SLC44A2: variants seen among roughly 807,000 people sequenced by gnomAD.
SLC44A2 encodes the protein choline transporter-like protein 2.
A neutral mutation model predicts 90.8 loss-of-function variants in SLC44A2; 57 were observed. The observed-to-expected ratio is 0.63, with a 90% CI of 0.51 to 0.78. SLC44A2 has a LOEUF of 0.78. SLC44A2 is among the 30% of genes least tolerant of loss of function. The pLI, the probability that SLC44A2 is intolerant of heterozygous loss-of-function variation, is 0.00. For synonymous variants in SLC44A2, 355 were observed against 360.7 expected, an observed-to-expected ratio of 0.98 and a Z score of 0.18; for missense variants, 794 against 919.7, an observed-to-expected ratio of 0.86 and a Z score of 1.77.
intron 1 of SLC44A2, among the ~76,000 whole-genome samples, chr19:10,616,443 G>A (rs746496449): frequency 3.3e-5 from 5 of 151,778 alleles, no homozygotes; most frequent in African/African-American, 7.3e-5. Context: ...TTTTAGAGAC[G>A]AGGTCTTGCC....
rs543849022 is a variant in SLC44A2, at chr19:10,615,206, G to A, written c.32-11047G>A. On this transcript the variant is annotated intron_variant, in intron 1 of 21. Transcript: ENST00000407327. ...AGCACTTTGGGAGGCCAAGGCAGGT[G>A]GATCATTTGAGGTCAGGACTTCAAG... is the stretch of plus-strand genomic sequence containing the variant. Among the ~76,000 whole-genome samples the A allele has an allele frequency of 2.6e-5, 4 of 151,654 alleles. No individual in the cohort carries two copies. The South Asian group carries it at 6.2e-4, about 24-fold the overall frequency.
chr19:10,613,502 T>C (rs1195411755), intron 1 of SLC44A2, among the ~76,000 whole-genome samples: 1 of 152,090 alleles, frequency 6.6e-6, no homozygotes, highest in Non-Finnish European at 1.5e-5. Context: ...CTGCCTGCCT[T>C]GACTTCCCAA....
chr19:10,604,910 G>A (rs181308842), intron 1 of SLC44A2, among the ~76,000 whole-genome samples: 36 of 152,230 alleles, frequency 2.4e-4, no homozygotes, highest in African/African-American at 8.4e-4. Context: ...CAGTTCCAAG[G>A]GAAATGGGGA....
chr19:10,625,567 G>T lies in SLC44A2; in HGVS notation c.-67G>T. 1 of 1,234,248 alleles carries T rather than the reference G, an allele frequency of 8.1e-7. No homozygotes were observed. Among genetic ancestry groups the T allele is most frequent in the South Asian group, 4.0e-5 (1 of 24,702 alleles). The allele number at this position is 1,234,248 out of a possible 1,614,324, so 76.5% of individuals were successfully genotyped here. ...GTCGCGCGGTCAGTGCCTCCCTCCA[G>T]ACTCGGGAGGGTCGAGGGGGCGCGG... is the stretch of plus-strand genomic sequence containing the variant. On this transcript the variant is annotated 5_prime_UTR_variant, in exon 1 of 22. Transcript: ENST00000335757.
chr19:10,641,672 C>T (rs904141837), intron 20 of SLC44A2, among the ~76,000 whole-genome samples: 1 of 151,700 alleles, frequency 6.6e-6, no homozygotes, highest in Non-Finnish European at 1.5e-5. Flanking sequence ...GTGGCAAAAA[C>T]CCATCTCTAC....
chr19:10,625,480 C>T (rs1382302809), upstream of SLC44A2: 48 of 1,218,920 alleles, frequency 3.9e-5, no homozygotes, highest in Non-Finnish European at 4.4e-5. Flanking sequence ...CTGCCCAGCT[C>T]GGGCCGGTCT....
intron 16 of SLC44A2, among the ~76,000 whole-genome samples, chr19:10,637,300 C>G (rs1399403203): frequency 1.3e-5 from 2 of 151,950 alleles, no homozygotes; most frequent in Non-Finnish European, 2.9e-5. Context: ...TTCAGTGGGC[C>G]GAGACCGAGC....
At chr19:10,625,334 C>G (rs1204340105), upstream of SLC44A2, 2 of 564,672 alleles carry the variant, frequency 3.5e-6, no homozygotes, top group Non-Finnish European at 5.0e-6. Flanking sequence ...CGGCATCGCC[C>G]GGTGGCAGGG....
At position 10,636,711 on chromosome 19, in the gene SLC44A2, C is replaced by T. The variant is rs777757978; in HGVS notation, c.1546C>T (p.Gln516Ter). ...TGGCGCGCTCATCCTGGCCATTGTGCAGATCATCCGTGTGATACTCGAGTA... is the reference window on the plus strand; with the variant it reads ...TGGCGCGCTCATCCTGGCCATTGTGTAGATCATCCGTGTGATACTCGAGTA... The part of the protein sequence containing the change: ...AFGALILAIV[Q>*]IIRVILEYLD... Residue 516 changes from glutamine (Q) to a stop codon, truncating the protein, a stop_gained, in exon 16 of 22, where the codon CAG becomes TAG. Transcript: ENST00000335757. LOFTEE classifies it high-confidence loss of function. 6.2e-7 allele frequency: 1 copy of T among 1,613,950 alleles called. No homozygotes were observed. Among genetic ancestry groups the T allele is most frequent in the Non-Finnish European group, 8.5e-7 (1 of 1,179,970 alleles).
chr19:10,632,009 G>C (rs778327962), intron 9 of SLC44A2, 35 bp from the exon 10 acceptor site: 1 of 1,613,682 alleles, frequency 6.2e-7, no homozygotes. Flanking sequence ...CTGGCTGAGG[G>C]TGGAGTCTGT....
At position 10,638,193 on chromosome 19, in the gene SLC44A2, C is replaced by T. The variant is rs745622365; in HGVS notation, c.1841-34C>T. Reference sequence around the variant, plus strand: ...AGGAGGCTGTTTCCTATATCCAGAACCCTTCGCCATCTTGCTTTCTTCTCC... The same window carrying T: ...AGGAGGCTGTTTCCTATATCCAGAATCCTTCGCCATCTTGCTTTCTTCTCC... On this transcript the variant is annotated intron_variant, in intron 19 of 21. Transcript: ENST00000335757. 4.3e-6 allele frequency: 7 copies of T among 1,613,248 alleles called. No homozygotes were observed. The South Asian group carries it at 4.4e-5, about 10-fold the overall frequency.
Position 10,631,609 on chromosome 19 carries a change from T to C in SLC44A2, c.503-17T>C. The C allele has an allele frequency of 1.2e-6, 2 of 1,613,930 alleles. No individual in the cohort carries two copies. Among genetic ancestry groups the C allele is most frequent in the Non-Finnish European group, 1.7e-6 (2 of 1,180,000 alleles). On this transcript the variant is annotated splice_polypyrimidine_tract_variant and intron_variant, in intron 7 of 21. Coordinates refer to ENST00000335757, the MANE Select transcript of SLC44A2 (RefSeq NM_020428.4). The stretch of plus-strand genomic sequence containing the variant: ...CAGAGGCTCAGCCTGACTGGTGCCA[T>C]CCTCTGCTCCATGCAGTGGCCCGGA...
In SLC44A2 at chr19:10,636,455, T is replaced by A. The variant is rs146200895; in HGVS notation, c.1366T>A (p.Leu456Met). Residue 456 changes from leucine to methionine, a missense_variant, in exon 15 of 22, where the codon TTG becomes ATG. Physicochemically the swap from Leu to Met is conservative, Grantham distance 15. Transcript: ENST00000335757. ...CTTCAATGCCTTCATGTTCTTCTGG[T>A]TGGCCAACTTCGTGCTGGCGCTGGG... ...QIFNAFMFFWLANFVLALGQV... is the reference protein window; with the variant it reads ...QIFNAFMFFWMANFVLALGQV... The A allele has an allele frequency of 6.2e-7, 1 of 1,613,972 alleles. No homozygotes were observed.
At chr19:10,611,135 C>T (rs1341927338) in intron 1 of SLC44A2, among the ~76,000 whole-genome samples, 2 of 151,978 alleles carry the variant, frequency 1.3e-5, no homozygotes, top group Non-Finnish European at 2.9e-5. Context: ...GCCTCTGTGC[C>T]GGGCTAGAGA....
chr19:10,633,534 C>G (rs1323337960), intron 10 of SLC44A2, among the ~76,000 whole-genome samples: 2 of 152,152 alleles, frequency 1.3e-5, no homozygotes, highest in African/African-American at 4.8e-5. Flanking sequence ...CAGCTCACTG[C>G]AGCCTTGACC....
At position 10,634,850 on chromosome 19, in the gene SLC44A2, G is replaced by A. The variant is rs1255545687; in HGVS notation, c.918G>A (p.Arg306=). 2.0e-5 allele frequency: 32 copies of A among 1,613,990 alleles called. No individual in the cohort carries two copies. The highest frequency in any genetic ancestry group is 2.6e-5 in the Non-Finnish European group (31 of 1,180,034). The part of the protein sequence containing the change: ...LVDLGFQTDF[R]VYLHLRQTWL... ...ACCTCGGCTTTCAGACGGATTTCCGGGTGTACCTGCACTTACGGCAGACCT... is the reference window on the plus strand; with the variant it reads ...ACCTCGGCTTTCAGACGGATTTCCGAGTGTACCTGCACTTACGGCAGACCT... Residue 306 remains arginine (R), a synonymous_variant, in exon 11 of 22, where the codon CGG becomes CGA. Transcript: ENST00000335757.
chr19:10,634,767 T>G lies in SLC44A2; in HGVS notation c.835T>G (p.Cys279Gly). The G allele has an allele frequency of 6.2e-7, 1 of 1,614,174 alleles. No homozygotes were observed. The highest frequency in any genetic ancestry group is 8.5e-7 in the Non-Finnish European group (1 of 1,180,038). Residue 279 changes from cysteine to glycine, a missense_variant, in exon 11 of 22, where the codon TGC becomes GGC. This residue lies in a region of SLC44A2 where 738 missense variants were observed against 841.1 expected (regional missense o/e 0.88). Transcript: ENST00000335757. ...GTTCCCCCATGCAGGAATATTTCACTGCTACATGGAGTACTCCCGACTGCG... is the reference window on the plus strand; with the variant it reads ...GTTCCCCCATGCAGGAATATTTCACGGCTACATGGAGTACTCCCGACTGCG... Reference protein sequence around the residue: ...ILVLGYGIFHCYMEYSRLRGE... With the variant: ...ILVLGYGIFHGYMEYSRLRGE...
intron 21 of SLC44A2, 76 bp downstream of exon 21, chr19:10,642,527 C>T (rs1015242234): frequency 4.1e-5 from 55 of 1,357,712 alleles, no homozygotes; most frequent in African/African-American, 1.0e-4. Context: ...CACCCTCCAA[C>T]GGGGCAACAC....
In SLC44A2 at chr19:10,637,841, C is replaced by G; in HGVS notation, c.1696-15C>G. 6.2e-7 allele frequency: 1 copy of G among 1,614,116 alleles called. No individual in the cohort carries two copies. Among genetic ancestry groups the G allele is most frequent in the Non-Finnish European group, 8.5e-7 (1 of 1,179,998 alleles). ...CACCCAGTGGGTCTGATCTCTCCCT[C>G]CCACTCTCCTCCAGATTGCCATCTA... On this transcript the variant is annotated splice_polypyrimidine_tract_variant and intron_variant, in intron 17 of 21. Coordinates refer to ENST00000335757, the MANE Select transcript of SLC44A2 (RefSeq NM_020428.4).
Sources: allele counts gnomAD v4.1 joint callset (sites outside exome capture counted in the v4.1 genomes callset), GRCh38; gene constraint gnomAD v4.1.1; regional missense constraint gnomAD v4.1.1; transcripts MANE v1.5; gene names NCBI Gene and HGNC (gene_info 2026-07-23, HGNC 2026-07-21).